Variants in CHD3 observed in about 807,000 individuals in gnomAD.
The protein encoded by CHD3 is chromodomain helicase DNA binding protein 3.
In CHD3, 52 loss-of-function variants were observed where a neutral mutation model predicts 248.9. That is an observed-to-expected ratio of 0.21 (90% CI 0.17 to 0.26). The LOEUF (loss-of-function observed/expected upper bound fraction) is 0.26. Among genes scored for constraint, CHD3 ranks in the 10% least tolerant of loss-of-function variants. CHD3 has a pLI of 1.00. For missense variants in CHD3, 1,482 were observed against 2,605.8 expected, an observed-to-expected ratio of 0.57 and a Z score of 9.39; for synonymous variants, 985 against 985.2, an observed-to-expected ratio of 1.00 and a Z score of 0.00.
rs781012905 is a variant in CHD3 at position 7,908,650 on chromosome 17, C to T, written c.5262-47C>T. 7 of 1,611,480 alleles carry T rather than the reference C, an allele frequency of 4.3e-6. 1 individual carries two copies. The South Asian group carries it at 7.7e-5, about 18-fold the overall frequency. Reference sequence around the variant, plus strand: ...AAAGGAAGAAGTGTTCAAAGCCAAGCCCATTCCTGTTAAATTCCTTGATGG... The same window carrying T: ...AAAGGAAGAAGTGTTCAAAGCCAAGTCCATTCCTGTTAAATTCCTTGATGG... On this transcript the variant is annotated intron_variant, in intron 35 of 39. Transcript: ENST00000330494. The surrounding 1 kb of genome is among the most constrained non-coding windows in gnomAD (Gnocchi z 5.8).
Position 7,910,737 on chromosome 17 carries a change from G to A in CHD3, c.5755-110G>A. 6.6e-7 allele frequency: 1 copy of A among 1,514,558 alleles called. No individual in the cohort carries two copies. Among genetic ancestry groups the A allele is most frequent in the South Asian group, 1.3e-5 (1 of 78,164 alleles). 93.8% of individuals were successfully genotyped at this position (1,514,558 alleles called of 1,614,324 possible). ...CCCTTGAGTGAGTCTCCCTGCCTGT[G>A]TATCCTACCCTTAGCAGTTGTGGAG... On this transcript the variant is annotated intron_variant, in intron 38 of 39. Coordinates refer to ENST00000330494, the MANE Select transcript of CHD3 (RefSeq NM_001005273.3). This position sits in a 1 kb window ranked among gnomAD's most constrained non-coding sequence, Gnocchi z 4.7.
intron 4 of CHD3, 56 bp downstream of exon 4, chr17:7,891,120 C>T: frequency 1.9e-6 from 3 of 1,592,672 alleles, no homozygotes; most frequent in East Asian, 4.5e-5. Flanking sequence ...GAGGGAGGTC[C>T]TGGACCCCTT....
In CHD3 at chr17:7,894,254, A is replaced by C. The variant is rs760439208; in HGVS notation, c.1064A>C (p.Lys355Thr). 2 of 1,613,080 alleles carry C rather than the reference A, an allele frequency of 1.2e-6. No individual in the cohort carries two copies. Among genetic ancestry groups the C allele is most frequent in the Non-Finnish European group, 1.7e-6 (2 of 1,179,402 alleles). ...KKLKRGRPGR[K>T]KKKVLGCPAV... ...CTAAAGAGAGGCCGGCCAGGAAGGA[A>C]GAAGAAGAAGGGTAAGGAGTGTTGA... Residue 355 changes from lysine to threonine, a missense_variant, in exon 7 of 40, where the codon AAG (lysine) becomes ACG (threonine). By Grantham distance (78) the Lys-to-Thr change is moderately conservative. Coordinates refer to ENST00000330494, the MANE Select transcript of CHD3 (RefSeq NM_001005273.3).
chr17:7,884,854 G>T, upstream of CHD3: 1 of 1,150,440 alleles, frequency 8.7e-7, no homozygotes. Context: ...AGGAGATGGT[G>T]GTGTCGGAGG....
Position 7,889,128 on chromosome 17 carries a change from G to A in CHD3, c.100+28G>A. 6.2e-7 allele frequency: 1 copy of A among 1,613,976 alleles called. No individual in the cohort carries two copies. The highest frequency in any genetic ancestry group is 1.1e-5 in the South Asian group (1 of 91,066). On this transcript the variant is annotated intron_variant, in intron 1 of 39. Coordinates refer to ENST00000330494, the MANE Select transcript of CHD3 (RefSeq NM_001005273.3). This position sits in a 1 kb window ranked among gnomAD's most constrained non-coding sequence, Gnocchi z 4.5. The stretch of plus-strand genomic sequence containing the variant: ...AATTATCCGAGGAAATGTAAATAGA[G>A]GCCTCCCTCTTGGCAAAAGGATGTC...
intron 8 of CHD3, 55 bp downstream of exon 8, chr17:7,894,663 C>T: frequency 6.4e-7 from 1 of 1,555,122 alleles, no homozygotes. Context: ...CATCTCTTTC[C>T]CCCTTGGTTT....
At chr17:7,901,635 C>G (rs1468322388) in intron 20 of CHD3, among the ~76,000 whole-genome samples, 1 of 151,716 alleles carries the variant, frequency 6.6e-6, no homozygotes. Flanking sequence ...CTCAGCCTCC[C>G]AAGTAGCTGG....
upstream of CHD3, among the ~76,000 whole-genome samples, chr17:7,886,206 G>T (rs1967921119): frequency 6.6e-6 from 1 of 152,222 alleles, no homozygotes; most frequent in African/African-American, 2.4e-5. The surrounding 1 kb of genome is among the most constrained non-coding windows in gnomAD (Gnocchi z 4.2). Flanking sequence ...CGTCCCCCGA[G>T]GTGACAAGTC....
chr17:7,889,715 A>G lies in CHD3; in HGVS notation c.152A>G (p.Lys51Arg), dbSNP rs1968545852. 5.6e-6 allele frequency: 9 copies of G among 1,613,702 alleles called. No homozygotes were observed. In the Admixed American group the frequency reaches 1.3e-4, roughly 24 times the overall value. The change falls in exon 2 of 40, where the codon AAA becomes AGA. Residue 51 changes from lysine to arginine, a missense_variant. Physicochemically the swap from Lys to Arg is conservative, Grantham distance 26 (BLOSUM62 2). Around this residue, in one of 20 missense-constraint regions of CHD3, gnomAD observed 169 missense variants for 168.1 expected, o/e 1.01. Coordinates refer to ENST00000330494, the MANE Select transcript of CHD3 (RefSeq NM_001005273.3). This position sits in a 1 kb window ranked among gnomAD's most constrained non-coding sequence, Gnocchi z 4.5. ...LPSALGVKKR[K>R]RGPKKQKENK... ...TCAGCATTGGGTGTGAAGAAGAGAA[A>G]ACGAGGACCCAAGAAGCAGAAGGAG...
Position 7,897,018 on chromosome 17 carries a change from C to A in CHD3, c.1708-65C>A. 2.2e-6 allele frequency: 3 copies of A among 1,392,088 alleles called. No individual in the cohort carries two copies. Among genetic ancestry groups the A allele is most frequent in the South Asian group, 2.3e-5 (2 of 85,184 alleles). 86.2% of individuals were successfully genotyped at this position (1,392,088 alleles called of 1,614,324 possible). ...CCCATTCCTCCTGCCGGCCTCTTCC[C>A]GGTTCCTTGTTGTCCTCTGTGAGTG... On this transcript the variant is annotated intron_variant, in intron 10 of 39. Transcript: ENST00000330494. The surrounding 1 kb of genome is among the most constrained non-coding windows in gnomAD (Gnocchi z 4.8).
chr17:7,886,121 ACCCACTC>A (rs1402964087), upstream of CHD3, among the ~76,000 whole-genome samples: 1 of 152,000 alleles, frequency 6.6e-6, no homozygotes, highest in African/African-American at 2.4e-5. The surrounding 1 kb of genome is among the most constrained non-coding windows in gnomAD (Gnocchi z 4.2). Flanking sequence ...CGCTGAAACC[ACCCACTC>A]CCTGAGCACG....
chr17:7,905,283 T>C lies in CHD3; in HGVS notation c.4138+118T>C. On this transcript the variant is annotated intron_variant, in intron 26 of 39. Coordinates refer to ENST00000330494, the MANE Select transcript of CHD3 (RefSeq NM_001005273.3). The surrounding 1 kb of genome is among the most constrained non-coding windows in gnomAD (Gnocchi z 5.8). ...TTCGTGTGTGTGTGGAAAAACTCGA[T>C]TGCAGATGAGCAGAAAGGAAGAAAT... is the stretch of plus-strand genomic sequence containing the variant. 7.7e-6 allele frequency: 7 copies of C among 912,050 alleles called. No individual in the cohort carries two copies. The highest frequency in any genetic ancestry group is 1.2e-5 in the Non-Finnish European group (7 of 560,390). The allele number at this position is 912,050 out of a possible 1,614,324, so 56.5% of individuals were successfully genotyped here. A position where few individuals can be genotyped will look rare whatever the true frequency, so the allele number is the denominator to read the frequency against.
At position 7,910,156 on chromosome 17, in the gene CHD3, C is replaced by G; in HGVS notation, c.5591-272C>G. On this transcript the variant is annotated intron_variant, in intron 37 of 39. Coordinates refer to ENST00000330494, the MANE Select transcript of CHD3 (RefSeq NM_001005273.3). The surrounding 1 kb of genome is among the most constrained non-coding windows in gnomAD (Gnocchi z 4.7). ...CCCCCATCTTCCTTTCCTCCATGCT[C>G]CCTTTTTCTTTCTTCTTTCTCTCCA... 2.8e-6 allele frequency: 1 copy of G among 353,872 alleles called. No homozygotes were observed. Among genetic ancestry groups the G allele is most frequent in the East Asian group, 7.2e-5 (1 of 13,814 alleles). The allele number at this position is 353,872 out of a possible 1,614,324, so 21.9% of individuals were successfully genotyped here. A position where few individuals can be genotyped will look rare whatever the true frequency, so the allele number is the denominator to read the frequency against.
At chr17:7,893,968 G>GA in intron 6 of CHD3, 33 bp downstream of exon 6, 1 of 1,612,354 alleles carries the variant, frequency 6.2e-7, no homozygotes, top group Non-Finnish European at 8.5e-7. Flanking sequence ...CTAAACACCT[G>GA]GGGGCCAAGG....
upstream of CHD3, chr17:7,888,738 G>A (rs1176379230): frequency 8.9e-7 from 1 of 1,122,904 alleles, no homozygotes; most frequent in Non-Finnish European, 1.2e-6. Flanking sequence ...GTGCGCGCGT[G>A]CGCGCGCGTG....
At chr17:7,886,446 C>T (rs555984573), upstream of CHD3, among the ~76,000 whole-genome samples, 1 of 152,326 alleles carries the variant, frequency 6.6e-6, no homozygotes, top group South Asian at 2.1e-4. This position sits in a 1 kb window ranked among gnomAD's most constrained non-coding sequence, Gnocchi z 4.2. Flanking sequence ...AAACGGCCAA[C>T]TCCGGGCTCT....
In CHD3 at chr17:7,911,411, G is replaced by A; in HGVS notation, c.5882-53G>A. 1.2e-6 allele frequency: 2 copies of A among 1,613,432 alleles called. No individual in the cohort carries two copies. Among genetic ancestry groups the A allele is most frequent in the South Asian group, 1.1e-5 (1 of 90,948 alleles). Reference sequence around the variant, plus strand: ...TGAGAATTCACCATTGTCATGAAGTGACGTTTGAGAGTGATCTGGAGATTG... The same window carrying A: ...TGAGAATTCACCATTGTCATGAAGTAACGTTTGAGAGTGATCTGGAGATTG... On this transcript the variant is annotated intron_variant, in intron 39 of 39. Coordinates refer to ENST00000330494, the MANE Select transcript of CHD3 (RefSeq NM_001005273.3). The surrounding 1 kb of genome is among the most constrained non-coding windows in gnomAD (Gnocchi z 5.4).
rs1448788030 is a variant in CHD3, at chr17:7,894,436, C to T, written c.1097C>T (p.Ala366Val). ...KKKVLGCPAV[A>V]GEEEVDGYET... Reference sequence around the variant, plus strand: ...ACAGTCCTGGGCTGTCCTGCAGTGGCCGGGGAGGAGGAGGTTGATGGCTAC... The same window carrying T: ...ACAGTCCTGGGCTGTCCTGCAGTGGTCGGGGAGGAGGAGGTTGATGGCTAC... The change falls in exon 8 of 40, where the codon GCC becomes GTC. Residue 366 changes from alanine (A) to valine (V), a missense_variant. By Grantham distance (64) the Ala-to-Val change is moderately conservative. Coordinates refer to ENST00000330494, the MANE Select transcript of CHD3 (RefSeq NM_001005273.3). The T allele has an allele frequency of 1.9e-6, 3 of 1,613,426 alleles. No individual in the cohort carries two copies. In the Admixed American group the frequency reaches 5.0e-5, roughly 27 times the overall value.
In CHD3 at chr17:7,906,201, T is replaced by G. The variant is rs973899134; in HGVS notation, c.4358+212T>G. The stretch of plus-strand genomic sequence containing the variant: ...CCTAGAGTAGAGGGGCCAGGCATCC[T>G]CCCCAGGGGAGGGGCGTTGAAGCAA... On this transcript the variant is annotated intron_variant, in intron 28 of 39. Coordinates refer to ENST00000330494, the MANE Select transcript of CHD3 (RefSeq NM_001005273.3). This position sits in a 1 kb window ranked among gnomAD's most constrained non-coding sequence, Gnocchi z 5.0. 6 of 822,834 alleles carry G rather than the reference T, an allele frequency of 7.3e-6. No homozygotes were observed. Among genetic ancestry groups the G allele is most frequent in the Non-Finnish European group, 1.3e-5 (6 of 473,232 alleles). 51.0% of individuals were successfully genotyped at this position (822,834 alleles called of 1,614,324 possible). A position where few individuals can be genotyped will look rare whatever the true frequency, so the allele number is the denominator to read the frequency against.
Sources: gnomAD v4.1 joint callset for allele counts (sites outside exome capture counted in the v4.1 genomes callset) on GRCh38, gnomAD v4.1.1 for gene constraint, gnomAD v4.1.1 regional missense constraint, Gnocchi (gnomAD v3.1) non-coding constraint, MANE v1.5 for transcripts, NCBI Gene and HGNC (gene_info 2026-07-23, HGNC 2026-07-21) for gene names.